PLEKHA7: variants seen among roughly 807,000 people sequenced by gnomAD.
PLEKHA7 encodes pleckstrin homology domain-containing family A member 7.
A neutral mutation model predicts 170.0 loss-of-function variants in PLEKHA7; 104 were observed. That is an observed-to-expected ratio of 0.61 (90% CI 0.52 to 0.72). The LOEUF is 0.72. Ranked by LOEUF, PLEKHA7 falls within the 30% of genes least tolerant of loss-of-function variation. The probability of loss-of-function intolerance (pLI) is 0.00; values close to 1 mark genes in which losing one functional copy is unlikely to be tolerated. For missense variants in PLEKHA7, 1,615 were observed against 1,671.7 expected (o/e 0.97, Z 0.59); for synonymous variants, 648 against 660.8 (o/e 0.98, Z 0.30).
At chr11:16,873,722 A>G (rs1206254973) in intron 3 of PLEKHA7, among the ~76,000 whole-genome samples, 3 of 152,126 alleles carry the variant, frequency 2.0e-5, no homozygotes, top group Admixed American at 1.3e-4. Flanking sequence ...GCTGGAGTGC[A>G]ATGGCGTGAT....
rs997292676 is a variant in PLEKHA7 at position 16,803,414 on chromosome 11, T to C, written c.2008-119A>G. 1.3e-5 allele frequency: 14 copies of C among 1,062,218 alleles called. No homozygotes were observed. In the East Asian group the frequency reaches 2.0e-4, roughly 15 times the overall value. 65.8% of individuals were successfully genotyped at this position (1,062,218 alleles called of 1,614,324 possible). On this transcript the variant is annotated intron_variant, in intron 13 of 26. Coordinates refer to ENST00000531066, the MANE Select transcript of PLEKHA7 (RefSeq NM_001329630.2). Reference sequence around the variant, plus strand: ...TCCTTGGCAGTGGCAGGTAGGGTCATAGTATGAGAGGGACAAAAACTTGGG... The same window carrying C: ...TCCTTGGCAGTGGCAGGTAGGGTCACAGTATGAGAGGGACAAAAACTTGGG...
At chr11:16,816,470 T>C (rs950185172) in intron 11 of PLEKHA7, among the ~76,000 whole-genome samples, 1 of 152,238 alleles carries the variant, frequency 6.6e-6, no homozygotes, top group Non-Finnish European at 1.5e-5. Context: ...ATAATTTAAC[T>C]GACTGGACAC....
intron 3 of PLEKHA7, among the ~76,000 whole-genome samples, chr11:16,873,436 T>C (rs752234591): frequency 3.0e-4 from 46 of 152,088 alleles, no homozygotes; most frequent in Non-Finnish European, 5.7e-4. Context: ...CACCTCACCA[T>C]ACTGTCACCC....
intron 23 of PLEKHA7, chr11:16,786,760 G>A: frequency 1.0e-6 from 1 of 985,428 alleles, no homozygotes; most frequent in Non-Finnish European, 1.2e-6. Context: ...TGGTTCAGGA[G>A]ACATACGTCC....
intron 16 of PLEKHA7, 28 bp from the exon 17 acceptor site, chr11:16,801,103 C>A: frequency 7.5e-6 from 12 of 1,593,790 alleles, no homozygotes; most frequent in Non-Finnish European, 1.0e-5. Context: ...GCTTCCGGTT[C>A]TTAGTTATCC....
chr11:16,888,120 G>C (rs1856296626), intron 3 of PLEKHA7, among the ~76,000 whole-genome samples: 1 of 146,734 alleles, frequency 6.8e-6, no homozygotes, highest in Non-Finnish European at 1.5e-5. Context: ...CCGCCTGGCA[G>C]CCGCCCCATC....
chr11:16,914,739 C>A (rs148521693), intron 3 of PLEKHA7, among the ~76,000 whole-genome samples: 1 of 152,324 alleles, frequency 6.6e-6, no homozygotes, highest in African/African-American at 2.4e-5. Context: ...GGACAGGATG[C>A]TTTCACATGC....
chr11:16,906,218 A>G (rs1857651068), intron 3 of PLEKHA7, among the ~76,000 whole-genome samples: 2 of 125,270 alleles, frequency 1.6e-5, no homozygotes, highest in Non-Finnish European at 3.3e-5. Context: ...TCAAGTTAAA[A>G]TGAGGTAGGA....
At chr11:16,873,736 G>T (rs962767215) in intron 3 of PLEKHA7, among the ~76,000 whole-genome samples, 1 of 152,058 alleles carries the variant, frequency 6.6e-6, no homozygotes, top group Non-Finnish European at 1.5e-5. Context: ...GCGTGATCTC[G>T]GCTCACTGCA....
At chr11:16,980,117 A>G in intron 3 of PLEKHA7, among the ~76,000 whole-genome samples, 1 of 152,248 alleles carries the variant, frequency 6.6e-6, no homozygotes, top group Non-Finnish European at 1.5e-5. Flanking sequence ...GAACCTCTTC[A>G]ATGCTTGTTT....
Position 16,949,993 on chromosome 11 carries a change from G to A in PLEKHA7, c.221+63996C>T, listed in dbSNP as rs113193652. Among the ~76,000 whole-genome samples the A allele has an allele frequency of 4.1e-3, 625 of 151,052 alleles. 3 individuals are homozygous for A. The highest frequency in any genetic ancestry group is 0.014 in the African/African-American group (586 of 41,054). On this transcript the variant is annotated intron_variant, in intron 3 of 26. Coordinates refer to ENST00000531066, the MANE Select transcript of PLEKHA7 (RefSeq NM_001329630.2). ...CAACAACCTTTGGACTTGGTGAGTA[G>A]GAGGCCAAGCAGATCTCAGAGAGTG...
chr11:16,826,736 C>G, intron 9 of PLEKHA7, 146 bp from the exon 10 acceptor site: 1 of 749,668 alleles, frequency 1.3e-6, no homozygotes, highest in Non-Finnish European at 2.1e-6. Flanking sequence ...ACTCTGCCTG[C>G]CTAACTTCTG....
At chr11:16,951,652 T>C (rs1258035277) in intron 3 of PLEKHA7, among the ~76,000 whole-genome samples, 1 of 152,186 alleles carries the variant, frequency 6.6e-6, no homozygotes, top group Non-Finnish European at 1.5e-5. Flanking sequence ...CGTAAAAGTT[T>C]AGAGGCAATG....
intron 12 of PLEKHA7, chr11:16,813,400 G>T: frequency 2.3e-6 from 1 of 439,444 alleles, no homozygotes. Flanking sequence ...GTCCCCCACT[G>T]GCTAGGGGAA....
intron 4 of PLEKHA7, among the ~76,000 whole-genome samples, chr11:16,870,148 GA>G (rs1854711507): frequency 6.6e-6 from 1 of 152,160 alleles, no homozygotes. Flanking sequence ...TGAGGAGCAG[GA>G]AAGTTCCCAT....
chr11:16,802,905 T>C (rs1848695845), intron 15 of PLEKHA7, 67 bp downstream of exon 15: 2 of 1,301,310 alleles, frequency 1.5e-6, no homozygotes, highest in Admixed American at 1.7e-5. Context: ...GTCCAGCCTA[T>C]GTCTCAAGAA....
At position 16,849,657 on chromosome 11, in the gene PLEKHA7, C is replaced by T. The variant is rs533955393; in HGVS notation, c.696+1534G>A. On this transcript the variant is annotated intron_variant, in intron 8 of 26. Coordinates refer to ENST00000531066, the MANE Select transcript of PLEKHA7 (RefSeq NM_001329630.2). ...AACTGAAAGAGAACAGAATTCAGGG[C>T]CAAGTTCTGCCTCTGTCATCTTCCA... is the stretch of plus-strand genomic sequence containing the variant. 2.6e-5 allele frequency among the ~76,000 whole-genome samples: 4 copies of T among 152,292 alleles called. No individual in the cohort carries two copies. In the South Asian group the frequency reaches 8.3e-4, roughly 32 times the overall value.
rs191953583 is a variant in PLEKHA7 at position 16,954,055 on chromosome 11, T to C, written c.221+59934A>G. Among the ~76,000 whole-genome samples the C allele has an allele frequency of 3.0e-4, 45 of 152,322 alleles. 1 individual carries two copies. The highest frequency in any genetic ancestry group is 1.1e-3 in the African/African-American group (44 of 41,568). On this transcript the variant is annotated intron_variant, in intron 3 of 26. Coordinates refer to ENST00000531066, the MANE Select transcript of PLEKHA7 (RefSeq NM_001329630.2). ...TCATATGGAAATTTCAGGGCTTCAC[T>C]GGTTGAGAAGCAAACAATGCAAAGA...
intron 3 of PLEKHA7, among the ~76,000 whole-genome samples, chr11:17,011,752 T>C (rs969576058): frequency 2.6e-5 from 4 of 152,308 alleles, no homozygotes; most frequent in African/African-American, 7.2e-5. Flanking sequence ...ACATCTATTA[T>C]ACCCAATGGG....
Sources: allele counts gnomAD v4.1 joint callset (sites outside exome capture counted in the v4.1 genomes callset), GRCh38; gene constraint gnomAD v4.1.1; transcripts MANE v1.5; gene names NCBI Gene and HGNC (gene_info 2026-07-23, HGNC 2026-07-21).